COMMD10: variants seen among roughly 807,000 people sequenced by gnomAD.
COMMD10 encodes COMM domain containing 10.
In COMMD10, 33 loss-of-function variants were observed where a neutral mutation model predicts 28.9. The ratio of observed to expected loss-of-function variants is 1.14; its 90% CI spans 0.87 to 1.53. The LOEUF is 1.53. Among genes scored for constraint, COMMD10 ranks in the 40% most tolerant of loss-of-function variants. COMMD10 has a pLI of 0.00. For synonymous variants in COMMD10, 110 were observed against 81.7 expected (o/e 1.35, Z -1.87); for missense variants, 310 against 233.4 (o/e 1.33, Z -2.14).
intron 5 of COMMD10, among the ~76,000 whole-genome samples, chr5:116,207,124 T>C (rs1748833595): frequency 6.6e-6 from 1 of 152,234 alleles, no homozygotes; most frequent in Non-Finnish European, 1.5e-5. Context: ...TCTCTATTAA[T>C]AATTACAATT....
chr5:116,245,473 C>T (rs995353725), intron 5 of COMMD10, among the ~76,000 whole-genome samples: 1 of 151,992 alleles, frequency 6.6e-6, no homozygotes. Flanking sequence ...TGAGCAACTC[C>T]TCCCTAACTC....
intron 5 of COMMD10, among the ~76,000 whole-genome samples, chr5:116,161,876 C>T (rs1241424606): frequency 6.6e-6 from 1 of 152,060 alleles, no homozygotes; most frequent in Non-Finnish European, 1.5e-5. Context: ...TATAAATGGA[C>T]CCCTGCAGTG....
At chr5:116,207,687 A>C (rs997376192) in intron 5 of COMMD10, among the ~76,000 whole-genome samples, 1 of 152,042 alleles carries the variant, frequency 6.6e-6, no homozygotes, top group Non-Finnish European at 1.5e-5. Flanking sequence ...CACCACACCC[A>C]GCTAATTTCT....
Position 116,184,301 on chromosome 5 carries a change from C to T in COMMD10, c.510+50123C>T, listed in dbSNP as rs115574872. Among the ~76,000 whole-genome samples, 491 of 105,560 alleles carry T rather than the reference C, an allele frequency of 4.7e-3. 3 individuals carry two copies. Among genetic ancestry groups the T allele is most frequent in the African/African-American group, 0.017 (472 of 27,690 alleles). 69.3% of individuals were successfully genotyped at this position (105,560 alleles called of 152,430 possible). On this transcript the variant is annotated intron_variant, in intron 5 of 6. Transcript: ENST00000274458. Reference sequence around the variant, plus strand: ...TTTACATTTTCTTTATTTTTCTTAACTATATATCTGACCTTTTTTTTTTTT... The same window carrying T: ...TTTACATTTTCTTTATTTTTCTTAATTATATATCTGACCTTTTTTTTTTTT...
chr5:116,165,633 C>T (rs2112572941), intron 5 of COMMD10, among the ~76,000 whole-genome samples: 1 of 150,788 alleles, frequency 6.6e-6, no homozygotes, highest in East Asian at 1.9e-4. Context: ...TGTTTGTGCG[C>T]ACACACACGC....
intron 6 of COMMD10, 65 bp downstream of exon 6, chr5:116,291,641 A>T (rs1751365049): frequency 1.1e-6 from 1 of 896,620 alleles, no homozygotes; most frequent in Non-Finnish European, 1.7e-6. Flanking sequence ...GTTTCATTTT[A>T]TGAATTCTTA....
intron 4 of COMMD10, among the ~76,000 whole-genome samples, chr5:116,120,278 C>T (rs183361933): frequency 2.3e-4 from 35 of 152,152 alleles, no homozygotes; most frequent in Middle Eastern, 3.4e-3. Flanking sequence ...CTTACGTTCT[C>T]CCTTATTGGG....
chr5:116,181,960 A>T (rs1021414296), intron 5 of COMMD10, among the ~76,000 whole-genome samples: 1 of 152,146 alleles, frequency 6.6e-6, no homozygotes, highest in Non-Finnish European at 1.5e-5. Flanking sequence ...TGGAGTTTAT[A>T]TTCTCTTAGG....
At chr5:116,176,499 G>A (rs1396484) in intron 5 of COMMD10, among the ~76,000 whole-genome samples, 47,469 of 152,032 alleles carry the variant, frequency 0.31, 10,395 homozygotes, top group African/African-American at 0.63. Context: ...GTTTACCACT[G>A]TTATTCCAAG....
intron 5 of COMMD10, among the ~76,000 whole-genome samples, chr5:116,139,992 T>G (rs948561557): frequency 1.3e-5 from 2 of 151,786 alleles, no homozygotes; most frequent in Admixed American, 1.3e-4. Context: ...CCAGACTTAT[T>G]TATCCTACAT....
chr5:116,221,911 A>G (rs1241413958), intron 5 of COMMD10, among the ~76,000 whole-genome samples: 1 of 152,200 alleles, frequency 6.6e-6, no homozygotes, highest in Non-Finnish European at 1.5e-5. Context: ...GTAGATAGGC[A>G]GGCAGTTCAA....
chr5:116,131,933 A>G (rs1388418191), intron 4 of COMMD10, among the ~76,000 whole-genome samples: 1 of 152,164 alleles, frequency 6.6e-6, no homozygotes. Flanking sequence ...ATAATTAGTA[A>G]TATGTTTTAG....
At chr5:116,202,624 G>A (rs371872872) in intron 5 of COMMD10, among the ~76,000 whole-genome samples, 9 of 151,292 alleles carry the variant, frequency 5.9e-5, no homozygotes, top group African/African-American at 2.0e-4. Context: ...ATTTGCATTT[G>A]TCTGATGGCC....
intron 5 of COMMD10, among the ~76,000 whole-genome samples, chr5:116,195,557 A>G (rs1364268975): frequency 6.6e-6 from 1 of 152,166 alleles, no homozygotes; most frequent in Admixed American, 6.6e-5. Flanking sequence ...CCCCTTTTAC[A>G]ATAGCAAAAA....
intron 5 of COMMD10, among the ~76,000 whole-genome samples, chr5:116,186,321 C>T (rs1431359674): frequency 6.6e-6 from 1 of 152,122 alleles, no homozygotes; most frequent in Non-Finnish European, 1.5e-5. Context: ...CCGCACTTAA[C>T]AGCTTTCCCA....
At chr5:116,098,761 G>A (rs903551783) in intron 4 of COMMD10, among the ~76,000 whole-genome samples, 1 of 152,078 alleles carries the variant, frequency 6.6e-6, no homozygotes, top group African/African-American at 2.4e-5. Flanking sequence ...ATGAAATAAT[G>A]TTAAAAAATC....
chr5:116,188,636 TCTC>T (rs1748230293), intron 5 of COMMD10: 1 of 126,804 alleles, frequency 7.9e-6, no homozygotes. Flanking sequence ...TTTCTCTCTC[TCTC>T]TTTTTTTTTT....
chr5:116,255,015 G>A (rs1480364755), intron 5 of COMMD10, among the ~76,000 whole-genome samples: 1 of 151,550 alleles, frequency 6.6e-6, no homozygotes, highest in African/African-American at 2.4e-5. Flanking sequence ...AGGATAGTTA[G>A]CTCTTCTTGT....
At chr5:116,137,843 G>A (rs955704059) in intron 5 of COMMD10, among the ~76,000 whole-genome samples, 6 of 151,872 alleles carry the variant, frequency 4.0e-5, no homozygotes, top group Non-Finnish European at 8.8e-5. Flanking sequence ...CTTTCCTGCA[G>A]TATTTTGATA....
Sources: gnomAD v4.1 joint callset for allele counts (sites outside exome capture counted in the v4.1 genomes callset) on GRCh38, gnomAD v4.1.1 for gene constraint, MANE v1.5 for transcripts, NCBI Gene and HGNC (gene_info 2026-07-23, HGNC 2026-07-21) for gene names.